The following SBF2 variants were observed in gnomAD, a reference collection of about 807,000 sequenced individuals.
The protein encoded by SBF2 is SET binding factor 2, also known as myotubularin-related protein 13.
A neutral mutation model predicts 225.2 loss-of-function variants in SBF2; 112 were observed. The observed-to-expected ratio is 0.50, with a 90% CI of 0.43 to 0.58. SBF2 has a LOEUF of 0.58. Among genes scored for constraint, SBF2 ranks in the 20% least tolerant of loss-of-function variants. The pLI is 0.00. For missense variants in SBF2, 1,996 were observed against 2,206.2 expected, an observed-to-expected ratio of 0.90 and a Z score of 1.91; for synonymous variants, 763 against 773.3, an observed-to-expected ratio of 0.99 and a Z score of 0.22.
At position 10,014,517 on chromosome 11, in the gene SBF2, A is replaced by AAC. The variant is rs527961722; in HGVS notation, c.620-11829_620-11828insGT. On this transcript the variant is annotated intron_variant, in intron 6 of 39. Transcript: ENST00000256190. The stretch of plus-strand genomic sequence containing the variant: ...CAGCCATTTCAACTAAAAAAAAAAA[A>AAC]AAAAAAAAAAACGAAAATGGAGTTC... Among the ~76,000 whole-genome samples, 46 of 150,194 alleles carry AAC rather than the reference A, an allele frequency of 3.1e-4. 1 individual carries two copies. The highest frequency in any genetic ancestry group is 1.3e-3 in the South Asian group (6 of 4,766).
Position 9,839,191 on chromosome 11 carries a change from G to C in SBF2, c.3455+307C>G, listed in dbSNP as rs1026083229. 1.0e-5 allele frequency: 4 copies of C among 385,598 alleles called. No homozygotes were observed. In the Admixed American group the frequency reaches 1.5e-4, roughly 14 times the overall value. 23.9% of individuals were successfully genotyped at this position (385,598 alleles called of 1,614,324 possible). A position where few individuals can be genotyped will look rare whatever the true frequency, so the allele number is the denominator to read the frequency against. ...AGACTTTCATGTCCTCTATTGGGCT[G>C]GGAAAATCCTGTTCTTCAAGTTATC... On this transcript the variant is annotated intron_variant, in intron 26 of 39. Transcript: ENST00000256190.
rs770281252 is a variant in SBF2 at position 9,845,680 on chromosome 11, G to A, written c.2995C>T (p.Gln999Ter). The A allele has an allele frequency of 1.2e-6, 2 of 1,613,880 alleles. No homozygotes were observed. Among genetic ancestry groups the A allele is most frequent in the South Asian group, 2.2e-5 (2 of 91,084 alleles). ...TGAGGATAACGGAACTTCATCAGCT[G>A]TTTCTTAAAGATCTCTACTACTTCT... ...SPEVVEIFKK[Q>*]LMKFRYPQSI... The change falls in exon 24 of 40, where the codon CAG becomes TAG. Residue 999 changes from glutamine to a stop codon, truncating the protein, a stop_gained. Transcript: ENST00000256190. LOFTEE classifies it high-confidence loss of function.
rs773408788 is a variant in SBF2, at chr11:9,808,082, C to T, written c.4361G>A (p.Ser1454Asn). Residue 1454 changes from serine (S) to asparagine (N), a missense_variant, in exon 32 of 40, where the codon AGT (serine) becomes AAT (asparagine). Ser to Asn is a conservative substitution (Grantham distance 46). Transcript: ENST00000256190. The stretch of plus-strand genomic sequence containing the variant: ...GTTGAGGGTCAAGCTGCTCCTCTGA[C>T]TGAATTTGTGACCAAAAGAGAGCCA... ...KEWLSFGHKF[S>N]QRSSLTLNCQ... is the part of the protein sequence containing the mutation. 2.0e-5 allele frequency: 32 copies of T among 1,614,180 alleles called. No individual in the cohort carries two copies. Among genetic ancestry groups the T allele is most frequent in the Non-Finnish European group, 2.7e-5 (32 of 1,180,020 alleles).
At chr11:9,815,018 G>A (rs762822568) in intron 29 of SBF2, among the ~76,000 whole-genome samples, 3 of 152,124 alleles carry the variant, frequency 2.0e-5, no homozygotes, top group Non-Finnish European at 4.4e-5. Context: ...AAGCTAGAAT[G>A]TGGCACATAT....
intron 13 of SBF2, among the ~76,000 whole-genome samples, chr11:9,986,723 C>T (rs894848954): frequency 2.0e-5 from 3 of 151,950 alleles, no homozygotes; most frequent in Non-Finnish European, 2.9e-5. Context: ...TAGCTTAAAT[C>T]AGGAAGAATT....
intron 1 of SBF2, among the ~76,000 whole-genome samples, chr11:10,299,817 T>C (rs920826414): frequency 6.6e-6 from 1 of 152,244 alleles, no homozygotes; most frequent in Non-Finnish European, 1.5e-5. Flanking sequence ...CTAATCTATC[T>C]ACCACATTCC....
At chr11:10,101,060 T>A (rs1160268227) in intron 2 of SBF2, among the ~76,000 whole-genome samples, 3 of 151,954 alleles carry the variant, frequency 2.0e-5, no homozygotes, top group African/African-American at 7.3e-5. Context: ...GTGTGTGTGT[T>A]TGTTTATGTG....
At chr11:9,990,725 TCTAGA>T in intron 12 of SBF2, among the ~76,000 whole-genome samples, 1 of 152,268 alleles carries the variant, frequency 6.6e-6, no homozygotes, top group East Asian at 1.9e-4. Context: ...TTGTTTCCAA[TCTAGA>T]CTATATTTGT....
intron 16 of SBF2, among the ~76,000 whole-genome samples, chr11:9,934,390 GGT>G (rs1259816844): frequency 8.5e-5 from 13 of 152,150 alleles, no homozygotes; most frequent in Non-Finnish European, 1.5e-4. Flanking sequence ...AAGAGGAGCT[GGT>G]ACCATTCCTT....
intron 13 of SBF2, among the ~76,000 whole-genome samples, chr11:9,972,819 T>G (rs1305092825): frequency 6.6e-6 from 1 of 152,196 alleles, no homozygotes; most frequent in Non-Finnish European, 1.5e-5. Flanking sequence ...CAGAAGCAAT[T>G]AGAAATATTG....
At chr11:10,261,327 C>T (rs191099666) in intron 1 of SBF2, among the ~76,000 whole-genome samples, 83 of 152,246 alleles carry the variant, frequency 5.5e-4, no homozygotes, top group Non-Finnish European at 9.4e-4. Flanking sequence ...CTCAACTTAC[C>T]GGGTAGTGGG....
At chr11:10,131,006 T>G (rs1954020842) in intron 2 of SBF2, among the ~76,000 whole-genome samples, 1 of 152,218 alleles carries the variant, frequency 6.6e-6, no homozygotes, top group Non-Finnish European at 1.5e-5. Context: ...TGGGATTCTG[T>G]GCAGAAATAA....
Position 10,154,975 on chromosome 11 carries a change from A to C in SBF2, c.141+38927T>G, listed in dbSNP as rs1391978008. ...AAGAATGAAAGTTACCCAGTTTCTG[A>C]CTCCATTAAAGTCAGAAAATTCTGA... On this transcript the variant is annotated intron_variant, in intron 2 of 39. Transcript: ENST00000256190. Among the ~76,000 whole-genome samples, 3 of 151,900 alleles carry C rather than the reference A, an allele frequency of 2.0e-5. 1 individual carries two copies. The highest frequency in any genetic ancestry group is 7.3e-5 in the African/African-American group (3 of 41,352).
chr11:10,147,558 C>G (rs1428708065), intron 2 of SBF2, among the ~76,000 whole-genome samples: 2 of 151,776 alleles, frequency 1.3e-5, no homozygotes. Flanking sequence ...GACACTGGGA[C>G]CTACTTAAGG....
At chr11:10,071,213 G>A (rs1249031522) in intron 2 of SBF2, among the ~76,000 whole-genome samples, 1 of 151,530 alleles carries the variant, frequency 6.6e-6, no homozygotes, top group African/African-American at 2.4e-5. Context: ...TAGAAGTGGT[G>A]AGAGAGGGCA....
At chr11:10,272,756 C>A (rs939636749) in intron 1 of SBF2, among the ~76,000 whole-genome samples, 1 of 144,906 alleles carries the variant, frequency 6.9e-6, no homozygotes, top group Non-Finnish European at 1.5e-5. Context: ...CAGAGCCAGA[C>A]CTTGTCTTAA....
At chr11:9,997,501 G>A (rs766018003) in intron 9 of SBF2, among the ~76,000 whole-genome samples, 7 of 152,168 alleles carry the variant, frequency 4.6e-5, no homozygotes, top group African/African-American at 9.7e-5. Context: ...ATGTTGGGCC[G>A]GGCGCGGTGG....
At chr11:10,173,346 G>A (rs1056786070) in intron 2 of SBF2, among the ~76,000 whole-genome samples, 12 of 152,222 alleles carry the variant, frequency 7.9e-5, no homozygotes, top group Non-Finnish European at 1.5e-4. Flanking sequence ...TGCCTCACTC[G>A]GGAAGCGCAA....
chr11:10,223,132 G>A (rs962617988), intron 1 of SBF2, among the ~76,000 whole-genome samples: 9 of 151,372 alleles, frequency 5.9e-5, no homozygotes, highest in Admixed American at 4.0e-4. Context: ...ATACTTTAAC[G>A]CACTCACTGA....
Sources: gnomAD v4.1 joint callset for allele counts (sites outside exome capture counted in the v4.1 genomes callset) on GRCh38, gnomAD v4.1.1 for gene constraint, MANE v1.5 for transcripts, NCBI Gene and HGNC (gene_info 2026-07-23, HGNC 2026-07-21) for gene names.